Variants in FER1L5 observed in about 807,000 individuals in gnomAD.
FER1L5 encodes the protein fer-1-like protein 5.
In FER1L5, 187 loss-of-function variants were observed where a neutral mutation model predicts 279.9. That is an observed-to-expected ratio of 0.67 (90% CI 0.59 to 0.75). The LOEUF (loss-of-function observed/expected upper bound fraction) is 0.75. FER1L5 is among the 30% of genes least tolerant of loss of function. FER1L5 has a pLI of 0.00. For missense variants in FER1L5, 2,091 were observed against 2,594.4 expected (o/e 0.81, Z 4.21); for synonymous variants, 921 against 989.7 (o/e 0.93, Z 1.30).
At chr2:96,685,523 G>A (rs535640705) in intron 21 of FER1L5, 94 bp downstream of exon 21, 116 of 1,026,820 alleles carry the variant, frequency 1.1e-4, no homozygotes, top group Middle Eastern at 2.7e-4. Flanking sequence ...ACCTCCCCCC[G>A]CCCTCCTCGG....
Position 96,653,633 on chromosome 2 carries a change from G to T in FER1L5, c.634-7G>T. Reference sequence around the variant, plus strand: ...CATCCACTCTACCCCAATTCTCTTTGCCTCAGATCTTCTTCCAGAATTTTC... The same window carrying T: ...CATCCACTCTACCCCAATTCTCTTTTCCTCAGATCTTCTTCCAGAATTTTC... On this transcript the variant is annotated splice_polypyrimidine_tract_variant and splice_region_variant and intron_variant, in intron 7 of 52. Transcript: ENST00000624922. The T allele has an allele frequency of 6.4e-7, 1 of 1,550,576 alleles. No homozygotes were observed. The highest frequency in any genetic ancestry group is 8.7e-7 in the Non-Finnish European group (1 of 1,146,026).
rs1031505533 is a variant in FER1L5 at position 96,692,144 on chromosome 2, C to T, written c.3255C>T (p.Ala1085=). 11 of 1,551,660 alleles carry T rather than the reference C, an allele frequency of 7.1e-6. No individual in the cohort carries two copies. Among genetic ancestry groups the T allele is most frequent in the Non-Finnish European group, 8.7e-6 (10 of 1,146,978 alleles). The change falls in exon 31 of 53, where the codon GCC becomes GCT. Residue 1085 remains alanine (A), a synonymous_variant. Transcript: ENST00000624922. The part of the protein sequence containing the change: ...YYQLFCYIYQ[A]RNLVSNQILT... ...AGCTCTTCTGCTACATCTACCAGGC[C>T]CGGAACCTGGTGTCCAATCAGATCC...
At chr2:96,680,662 C>T (rs1486745021) in intron 19 of FER1L5, among the ~76,000 whole-genome samples, 1 of 152,074 alleles carries the variant, frequency 6.6e-6, no homozygotes, top group Non-Finnish European at 1.5e-5. Context: ...TGTTTTGCCC[C>T]ACTGTTTTTT....
intron 24 of FER1L5, among the ~76,000 whole-genome samples, chr2:96,688,792 C>A (rs1163655887): frequency 6.6e-6 from 1 of 152,024 alleles, no homozygotes; most frequent in Non-Finnish European, 1.5e-5. Flanking sequence ...ATGCCAGCTC[C>A]CTGCTCCCTC....
At chr2:96,671,582 C>T (rs935000913) in intron 18 of FER1L5, among the ~76,000 whole-genome samples, 1 of 152,180 alleles carries the variant, frequency 6.6e-6, no homozygotes, top group Non-Finnish European at 1.5e-5. Context: ...CCACATAGAC[C>T]AGCTCTGGAG....
Position 96,694,717 on chromosome 2 carries a change from A to T in FER1L5, c.3741+253A>T, listed in dbSNP as rs2077296213. On this transcript the variant is annotated intron_variant, in intron 34 of 52. Coordinates refer to ENST00000624922, the MANE Select transcript of FER1L5 (RefSeq NM_001293083.2). This position sits in a 1 kb window ranked among gnomAD's most constrained non-coding sequence, Gnocchi z 4.6. ...GCATGCATGATCACTTGTGGGACTCACGCTGCCCCTGCGCAGTAGCAACTA... is the reference window on the plus strand; with the variant it reads ...GCATGCATGATCACTTGTGGGACTCTCGCTGCCCCTGCGCAGTAGCAACTA... 4 of 367,528 alleles carry T rather than the reference A, an allele frequency of 1.1e-5. No individual in the cohort carries two copies. In the East Asian group the frequency reaches 1.7e-4, roughly 15 times the overall value. The allele number at this position is 367,528 out of a possible 1,614,324, so 22.8% of individuals were successfully genotyped here. A position where few individuals can be genotyped will look rare whatever the true frequency, so the allele number is the denominator to read the frequency against.
intron 51 of FER1L5, 83 bp from the exon 52 acceptor site, chr2:96,704,131 TA>T (rs1464830352): frequency 3.9e-6 from 6 of 1,538,228 alleles, no homozygotes; most frequent in Middle Eastern, 2.0e-4. Flanking sequence ...GTTGCTTTTT[TA>T]AAAAAGAAAG....
chr2:96,662,353 C>G, intron 13 of FER1L5, 86 bp downstream of exon 13: 1 of 1,226,212 alleles, frequency 8.2e-7, no homozygotes, highest in Non-Finnish European at 1.2e-6. Context: ...TGGGCAAGAC[C>G]ACAGGAATCA....
At chr2:96,659,842 A>G in intron 9 of FER1L5, among the ~76,000 whole-genome samples, 1 of 151,982 alleles carries the variant, frequency 6.6e-6, no homozygotes. Flanking sequence ...CTAAGAACAC[A>G]TTATGGGTGG....
Position 96,695,721 on chromosome 2 carries a change from C to T in FER1L5, c.3895-21C>T, listed in dbSNP as rs750083769. 18 of 1,610,282 alleles carry T rather than the reference C, an allele frequency of 1.1e-5. No individual in the cohort carries two copies. In the African/African-American group the frequency reaches 1.9e-4, roughly 17 times the overall value. On this transcript the variant is annotated intron_variant, in intron 35 of 52. Coordinates refer to ENST00000624922, the MANE Select transcript of FER1L5 (RefSeq NM_001293083.2). Reference sequence around the variant, plus strand: ...CTTCTTCTGTGGGTCTCACGCTCCCCACGTCTCCTCGGGATTGCAGCTCAT... The same window carrying T: ...CTTCTTCTGTGGGTCTCACGCTCCCTACGTCTCCTCGGGATTGCAGCTCAT...
intron 17 of FER1L5, 77 bp from the exon 18 acceptor site, chr2:96,670,042 C>T: frequency 6.5e-7 from 1 of 1,533,468 alleles, no homozygotes; most frequent in Non-Finnish European, 8.8e-7. Flanking sequence ...CTTGTCTTTG[C>T]CTCAGGGGTT....
At chr2:96,681,293 G>A (rs1416703047) in intron 19 of FER1L5, among the ~76,000 whole-genome samples, 3 of 152,182 alleles carry the variant, frequency 2.0e-5, no homozygotes, top group Admixed American at 6.5e-5. Context: ...GCTACAATGA[G>A]CCGTGATCAT....
At position 96,668,786 on chromosome 2, in the gene FER1L5, C is replaced by T; in HGVS notation, c.1176C>T (p.Val392=). 6.4e-7 allele frequency: 1 copy of T among 1,551,682 alleles called. No homozygotes were observed. Residue 392 remains valine, a synonymous_variant, in exon 15 of 53, where the codon GTC becomes GTT. Transcript: ENST00000624922. ...TCTCCAGCTACATCAAGTTCAGAGT[C>T]TTGGACTGGTGAGCAACCTGGTGGA... ...PCLSSYIKFR[V]LDCRKKDCPD...
In FER1L5 at chr2:96,670,140, G is replaced by T. The variant is rs2076270497; in HGVS notation, c.1384G>T (p.Asp462Tyr). 6.4e-7 allele frequency: 1 copy of T among 1,551,638 alleles called. No homozygotes were observed. The highest frequency in any genetic ancestry group is 2.0e-5 in the Admixed American group (1 of 50,992). The change falls in exon 18 of 53, where the codon GAT becomes TAT. Residue 462 changes from aspartate (D) to tyrosine (Y), a missense_variant. Asp to Tyr is a radical substitution (Grantham distance 160). Coordinates refer to ENST00000624922, the MANE Select transcript of FER1L5 (RefSeq NM_001293083.2). ...CTAGTGTATTCCCGACTCTGTTAGG[G>T]ATGGTTTAGCTTATCGAGGCCGAGT... Reference protein sequence around the residue: ...EGACIPDSVRDGLAYRGRVFL... With the variant: ...EGACIPDSVRYGLAYRGRVFL...
intron 13 of FER1L5, 26 bp downstream of exon 13, chr2:96,662,293 C>T (rs749904717): frequency 1.9e-6 from 3 of 1,549,556 alleles, no homozygotes; most frequent in Non-Finnish European, 1.7e-6. Context: ...TTCTGAGACC[C>T]AGAGAGATTG....
rs776763327 is a variant in FER1L5, at chr2:96,702,971, T to G, written c.5398-7T>G. 6.2e-7 allele frequency: 1 copy of G among 1,609,772 alleles called. No individual in the cohort carries two copies. Reference sequence around the variant, plus strand: ...GCCGGTAACACGCCCTTCCGCCATTTCCCCAGGATTACATATGGAGCCTGG... The same window carrying G: ...GCCGGTAACACGCCCTTCCGCCATTGCCCCAGGATTACATATGGAGCCTGG... On this transcript the variant is annotated splice_region_variant and splice_polypyrimidine_tract_variant and intron_variant, in intron 48 of 52. Transcript: ENST00000624922. The surrounding 1 kb of genome is among the most constrained non-coding windows in gnomAD (Gnocchi z 4.0).
rs943742919 is a variant in FER1L5, at chr2:96,689,564, G to A, written c.2526-80G>A. On this transcript the variant is annotated intron_variant, in intron 25 of 52. Coordinates refer to ENST00000624922, the MANE Select transcript of FER1L5 (RefSeq NM_001293083.2). The surrounding 1 kb of genome is among the most constrained non-coding windows in gnomAD (Gnocchi z 4.6). The stretch of plus-strand genomic sequence containing the variant: ...AGGTGGGGATGGGATGCCAGGTATG[G>A]GAACGCTTGGCCAGCAGAAGACGGC... The A allele has an allele frequency of 2.1e-6, 3 of 1,445,142 alleles. No homozygotes were observed. The allele number at this position is 1,445,142 out of a possible 1,614,324, so 89.5% of individuals were successfully genotyped here.
Position 96,702,399 on chromosome 2 carries a change from A to C in FER1L5, c.5253A>C (p.Lys1751Asn), listed in dbSNP as rs1335359760. Residue 1751 changes from lysine to asparagine, a missense_variant and splice_region_variant, in exon 47 of 53, where the codon AAA becomes AAC. Lys to Asn is a moderately conservative substitution (Grantham distance 94). Transcript: ENST00000624922. This position sits in a 1 kb window ranked among gnomAD's most constrained non-coding sequence, Gnocchi z 4.0. ...AGAAGACGAGCGACATCTACATCAA[A>C]GGGTAGGGAAGAGGAGTCAGGCTCC... ...SREKTSDIYI[K>N]GWLYGLEKDM... The C allele has an allele frequency of 6.2e-7, 1 of 1,609,938 alleles. No individual in the cohort carries two copies. The highest frequency in any genetic ancestry group is 8.5e-7 in the Non-Finnish European group (1 of 1,178,204).
intron 1 of FER1L5, among the ~76,000 whole-genome samples, chr2:96,646,043 G>T (rs2106412222): frequency 6.8e-6 from 1 of 147,494 alleles, no homozygotes; most frequent in East Asian, 2.0e-4. Flanking sequence ...CTGTCACCCA[G>T]GCTGGAGTGC....
Sources: allele counts gnomAD v4.1 joint callset (sites outside exome capture counted in the v4.1 genomes callset), GRCh38; gene constraint gnomAD v4.1.1; non-coding constraint Gnocchi (gnomAD v3.1); transcripts MANE v1.5; gene names NCBI Gene and HGNC (gene_info 2026-07-23, HGNC 2026-07-21).